C13orf46: variants seen among roughly 807,000 people sequenced by gnomAD.
C13orf46 encodes chromosome 13 open reading frame 46, also known as uncharacterized protein C13orf46.
At chr13:113,930,485 G>A in the C13orf46 span, among the ~76,000 whole-genome samples, 1 of 152,188 alleles carries the variant, frequency 6.6e-6, no homozygotes, top group Non-Finnish European at 1.5e-5. Context: ...CAGTGCAGTG[G>A]CCACAGGGCA....
intron 1 of C13orf46, among the ~76,000 whole-genome samples, chr13:113,970,563 C>T (rs1027109064): frequency 2.0e-5 from 3 of 152,160 alleles, no homozygotes; most frequent in African/African-American, 7.2e-5. Flanking sequence ...TCCTCTTTGT[C>T]CTAGCACAGC....
At chr13:113,957,845 C>T (rs2052552848) in intron 6 of C13orf46, among the ~76,000 whole-genome samples, 1 of 149,562 alleles carries the variant, frequency 6.7e-6, no homozygotes, top group Non-Finnish European at 1.5e-5. Flanking sequence ...CTGTATTCAC[C>T]CCCTTTCATC....
chr13:113,970,443 C>T (rs1440841990), intron 1 of C13orf46: 3 of 152,446 alleles, frequency 2.0e-5, no homozygotes, highest in Non-Finnish European at 4.4e-5. Flanking sequence ...CTGGCTCAGC[C>T]CCAGCAGCTC....
chr13:113,933,332 TGAG>T, the C13orf46 span, among the ~76,000 whole-genome samples: 4 of 152,252 alleles, frequency 2.6e-5, no homozygotes, highest in Non-Finnish European at 5.9e-5. Context: ...TGGCCATAAA[TGAG>T]TAGTGGCCAT....
chr13:113,945,561 GAA>G, the C13orf46 span, among the ~76,000 whole-genome samples: 7 of 107,166 alleles, frequency 6.5e-5, no homozygotes, highest in Admixed American at 2.0e-4. Context: ...AAGAAAGAAA[GAA>G]AGAAAGAAAG....
chr13:113,930,794 C>T, the C13orf46 span, among the ~76,000 whole-genome samples: 6 of 152,336 alleles, frequency 3.9e-5, no homozygotes, highest in South Asian at 8.3e-4. Context: ...CGGTGATGCC[C>T]GTGGACTTTA....
At chr13:113,931,132 C>A in the C13orf46 span, among the ~76,000 whole-genome samples, 7 of 152,242 alleles carry the variant, frequency 4.6e-5, no homozygotes, top group Non-Finnish European at 8.8e-5. Flanking sequence ...ACCACCCAGG[C>A]CGAGACGCCA....
At chr13:113,966,707 G>A (rs1247448730) in intron 5 of C13orf46, among the ~76,000 whole-genome samples, 2 of 151,882 alleles carry the variant, frequency 1.3e-5, no homozygotes, top group Non-Finnish European at 2.9e-5. Flanking sequence ...TGGTGATAAT[G>A]TTTATGGGGA....
intron 6 of C13orf46, among the ~76,000 whole-genome samples, chr13:113,961,823 G>C (rs967172678): frequency 6.6e-6 from 1 of 150,706 alleles, no homozygotes; most frequent in Non-Finnish European, 1.5e-5. Context: ...GTGCAGAGCT[G>C]TGCGTGATCT....
chr13:113,950,795 C>T (rs1427837861), downstream of C13orf46, among the ~76,000 whole-genome samples: 7 of 152,208 alleles, frequency 4.6e-5, no homozygotes, highest in Non-Finnish European at 8.8e-5. Context: ...GAGAGACTCC[C>T]TCCCGCTCCA....
the C13orf46 span, among the ~76,000 whole-genome samples, chr13:113,941,447 C>T: frequency 1.4e-5 from 2 of 138,914 alleles, no homozygotes; most frequent in African/African-American, 5.4e-5. Context: ...ATGTGTGAGG[C>T]TGAGCGTTCG....
intron 2 of C13orf46, 42 bp from the exon 3 acceptor site, chr13:113,968,802 A>C (rs2052675589): frequency 6.6e-6 from 1 of 152,378 alleles, no homozygotes; most frequent in Non-Finnish European, 1.5e-5. Context: ...GAGACGGCAG[A>C]TAGCTGCGGG....
chr13:113,942,877 C>A, the C13orf46 span, among the ~76,000 whole-genome samples: 1 of 152,224 alleles, frequency 6.6e-6, no homozygotes, highest in African/African-American at 2.4e-5. Flanking sequence ...GGCACAGCGC[C>A]CCAGTGCCCG....
rs2052660218 is a variant in C13orf46 at position 113,967,379 on chromosome 13, C to A, written c.466G>T (p.Val156Leu). 6.6e-6 allele frequency: 1 copy of A among 152,256 alleles called. No individual in the cohort carries two copies. The highest frequency in any genetic ancestry group is 2.1e-4 in the South Asian group (1 of 4,838). The allele number at this position is 152,256 out of a possible 1,614,324, so 9.4% of individuals were successfully genotyped here. ...TCTCCCAGATCAATCTCCACAAACA[C>A]AGATGCTTTCTGCGAATGGAAACCA... Reference protein sequence around the residue: ...NDLQEEEKASVFVEIDLGDHA... With the variant: ...NDLQEEEKASLFVEIDLGDHA... Residue 156 changes from valine (V) to leucine (L), a missense_variant, in exon 5 of 7, where the codon GTG becomes TTG. Transcript: ENST00000636427.
chr13:113,934,513 T>C, the C13orf46 span, among the ~76,000 whole-genome samples: 1,182 of 152,294 alleles, frequency 7.8e-3, 19 homozygotes, highest in African/African-American at 0.027. Context: ...ATAAAGGAAA[T>C]AGACCCACAC....
chr13:113,935,418 G>A, the C13orf46 span, among the ~76,000 whole-genome samples: 3,660 of 152,366 alleles, frequency 0.024, 151 homozygotes, highest in African/African-American at 0.083. Flanking sequence ...GCTGTGAAGC[G>A]CTGGCCCTGG....
the C13orf46 span, among the ~76,000 whole-genome samples, chr13:113,946,372 C>T: frequency 1.3e-5 from 2 of 152,338 alleles, no homozygotes; most frequent in South Asian, 2.1e-4. Context: ...GGACCAGTCC[C>T]CCTCTGTGGT....
At chr13:113,957,599 G>T (rs1594243223) in intron 6 of C13orf46, among the ~76,000 whole-genome samples, 7 of 100,840 alleles carry the variant, frequency 6.9e-5, no homozygotes, top group South Asian at 3.5e-4. Flanking sequence ...CACTCTGCCT[G>T]CACCCCCTTT....
chr13:113,960,823 G>A (rs1425360219), intron 6 of C13orf46, among the ~76,000 whole-genome samples: 4 of 152,184 alleles, frequency 2.6e-5, no homozygotes, highest in African/African-American at 9.7e-5. Context: ...TGACTTCCAG[G>A]TTACCTGCAT....
Sources: allele counts gnomAD v4.1 joint callset (sites outside exome capture counted in the v4.1 genomes callset), GRCh38; gene constraint gnomAD v4.1.1; transcripts MANE v1.5; gene names NCBI Gene and HGNC (gene_info 2026-07-23, HGNC 2026-07-21).